UBQLN1: variants seen among roughly 807,000 people sequenced by gnomAD.
The protein encoded by UBQLN1 is ubiquilin-1.
In UBQLN1, 13 loss-of-function variants were observed where a neutral mutation model predicts 65.4. The observed-to-expected ratio is 0.20, with a 90% confidence interval of 0.13 to 0.32. UBQLN1 has a LOEUF of 0.32. Ranked by LOEUF, UBQLN1 falls within the 10% of genes least tolerant of loss-of-function variation. The pLI is 1.00. For synonymous variants in UBQLN1, 267 were observed against 247.8 expected (o/e 1.08, Z -0.73); for missense variants, 561 against 724.0 (o/e 0.77, Z 2.58).
In UBQLN1 at chr9:83,664,923, C is replaced by CAAAAAAAAAAAAAA. The variant is rs539581441; in HGVS notation, c.1448+93_1448+106dup. The CAAAAAAAAAAAAAA allele has an allele frequency of 1.3e-5, 3 of 231,786 alleles. 1 individual carries two copies. The highest frequency in any genetic ancestry group is 8.4e-5 in the African/African-American group (2 of 23,920). 14.4% of individuals were successfully genotyped at this position (231,786 alleles called of 1,614,324 possible). ...CGAAGGGCGAGACCCTGTATCCCACCAAAAAAAAAAAAAAAAAAAAAAAGG... is the reference window on the plus strand; with the variant it reads ...CGAAGGGCGAGACCCTGTATCCCACCAAAAAAAAAAAAAAAAAAAAAAAAAAAAAAAAAAAAAGG... On this transcript the variant is annotated intron_variant, in intron 9 of 10. Transcript: ENST00000376395.
rs923032603 is a variant in UBQLN1 at position 83,685,883 on chromosome 9, A to G, written c.332+121T>C. ...AAAAAATTGTTATCGACAGCAAGGA[A>G]AGAATTTTAACTATTTAAATATTAA... is the stretch of plus-strand genomic sequence containing the variant. On this transcript the variant is annotated intron_variant, in intron 2 of 10. Transcript: ENST00000376395. 6.9e-6 allele frequency: 6 copies of G among 869,040 alleles called. No homozygotes were observed. The African/African-American group carries it at 8.9e-5, about 13-fold the overall frequency. The allele number at this position is 869,040 out of a possible 1,614,324, so 53.8% of individuals were successfully genotyped here. A position where few individuals can be genotyped will look rare whatever the true frequency, so the allele number is the denominator to read the frequency against.
chr9:83,703,562 G>A (rs1046472038), intron 1 of UBQLN1, among the ~76,000 whole-genome samples: 1 of 151,974 alleles, frequency 6.6e-6, no homozygotes, highest in African/African-American at 2.4e-5. Context: ...AACACTTCTG[G>A]TCCCAAGCAT....
chr9:83,682,610 T>G (rs1488695628), intron 3 of UBQLN1, among the ~76,000 whole-genome samples: 1 of 152,172 alleles, frequency 6.6e-6, no homozygotes. Context: ...TGCAGTCTGA[T>G]CCCTTCCTTT....
intron 1 of UBQLN1, among the ~76,000 whole-genome samples, chr9:83,701,681 G>C (rs1297144974): frequency 6.6e-6 from 1 of 152,090 alleles, no homozygotes; most frequent in Non-Finnish European, 1.5e-5. Context: ...GTATTACCGA[G>C]AATGTGGTTA....
At chr9:83,672,979 T>TTGGTGTGAA (rs1831758701) in intron 6 of UBQLN1, among the ~76,000 whole-genome samples, 1 of 152,218 alleles carries the variant, frequency 6.6e-6, no homozygotes. Flanking sequence ...CACCTGTAAT[T>TTGGTGTGAA]CCAGCACTTT....
At chr9:83,704,801 G>T (rs1367789711) in intron 1 of UBQLN1, among the ~76,000 whole-genome samples, 1 of 147,980 alleles carries the variant, frequency 6.8e-6, no homozygotes, top group Non-Finnish European at 1.5e-5. Flanking sequence ...ACTCCAGCCT[G>T]GGGGGTGACA....
At chr9:83,706,298 C>T (rs547117775) in intron 1 of UBQLN1, among the ~76,000 whole-genome samples, 1 of 152,286 alleles carries the variant, frequency 6.6e-6, no homozygotes, top group South Asian at 2.1e-4. Context: ...AGATGATGGA[C>T]ATATGTGTAT....
At chr9:83,703,998 C>T (rs1343594708) in intron 1 of UBQLN1, among the ~76,000 whole-genome samples, 2 of 152,106 alleles carry the variant, frequency 1.3e-5, no homozygotes, top group African/African-American at 4.8e-5. Flanking sequence ...GTTAAGGAAT[C>T]TACATTACAT....
chr9:83,689,036 C>T (rs1480516224), intron 1 of UBQLN1, among the ~76,000 whole-genome samples: 7 of 152,172 alleles, frequency 4.6e-5, no homozygotes, highest in African/African-American at 1.7e-4. Context: ...CATTTCAGAA[C>T]ATTTTCATTA....
At chr9:83,682,822 A>C in intron 3 of UBQLN1, 129 bp downstream of exon 3, 1 of 465,274 alleles carries the variant, frequency 2.1e-6, no homozygotes, top group East Asian at 3.8e-5. Context: ...ATAGGAATGT[A>C]TGTTTTTTTT....
At chr9:83,682,429 G>C (rs1250958339) in intron 3 of UBQLN1, among the ~76,000 whole-genome samples, 3 of 151,908 alleles carry the variant, frequency 2.0e-5, no homozygotes, top group Admixed American at 2.0e-4. Context: ...AGTGAGCTAT[G>C]GATGGCATCA....
chr9:83,685,863 ATTG>A, intron 2 of UBQLN1, 138 bp downstream of exon 2: 2 of 698,048 alleles, frequency 2.9e-6, no homozygotes, highest in Admixed American at 3.6e-5. Flanking sequence ...TTTTAAAAAA[ATTG>A]TTATCGACAG....
intron 5 of UBQLN1, 95 bp downstream of exon 5, chr9:83,678,346 C>A: frequency 6.9e-7 from 1 of 1,441,344 alleles, no homozygotes; most frequent in Non-Finnish European, 9.3e-7. Flanking sequence ...AATTGAAAAC[C>A]ACATTCCTCA....
intron 1 of UBQLN1, among the ~76,000 whole-genome samples, chr9:83,697,027 C>T (rs1832227212): frequency 6.6e-6 from 1 of 152,050 alleles, no homozygotes; most frequent in Admixed American, 6.5e-5. Context: ...TCTCCCACCT[C>T]AGCCTCCCAA....
chr9:83,694,732 CAAAAG>C (rs753438226), intron 1 of UBQLN1, among the ~76,000 whole-genome samples: 63 of 152,252 alleles, frequency 4.1e-4, no homozygotes, highest in Non-Finnish European at 7.1e-4. Flanking sequence ...CACCGGTGAA[CAAAAG>C]GCTGTGGGGA....
intron 6 of UBQLN1, among the ~76,000 whole-genome samples, chr9:83,674,442 T>A (rs1454826848): frequency 6.6e-6 from 1 of 152,116 alleles, no homozygotes; most frequent in Non-Finnish European, 1.5e-5. Flanking sequence ...GAATGAAATA[T>A]CTCATCATAG....
intron 1 of UBQLN1, 68 bp downstream of exon 1, chr9:83,707,432 T>C (rs1262450615): frequency 2.0e-6 from 3 of 1,497,766 alleles, no homozygotes; most frequent in East Asian, 4.8e-5. Flanking sequence ...TTCCAAAAGG[T>C]CTCCTGGGGC....
chr9:83,674,263 G>GT (rs1831790769), intron 6 of UBQLN1, among the ~76,000 whole-genome samples: 1 of 151,826 alleles, frequency 6.6e-6, no homozygotes, highest in Non-Finnish European at 1.5e-5. Flanking sequence ...CAAATGTCAG[G>GT]TTTTTAAGGC....
chr9:83,694,929 C>T (rs1832184954), intron 1 of UBQLN1, among the ~76,000 whole-genome samples: 1 of 152,146 alleles, frequency 6.6e-6, no homozygotes, highest in African/African-American at 2.4e-5. Context: ...TTCTAAGGTT[C>T]ATGCTCTCCT....
Sources: allele counts gnomAD v4.1 joint callset (sites outside exome capture counted in the v4.1 genomes callset), GRCh38; gene constraint gnomAD v4.1.1; transcripts MANE v1.5; gene names NCBI Gene and HGNC (gene_info 2026-07-23, HGNC 2026-07-21).